Variants in AVEN observed in about 807,000 individuals in gnomAD.
The protein encoded by AVEN is cell death regulator Aven.
AVEN carries 41 observed loss-of-function variants against 38.1 expected under a neutral mutation model. The ratio of observed to expected loss-of-function variants is 1.08; its 90% CI spans 0.84 to 1.40. AVEN has a LOEUF of 1.40. Among genes scored for constraint, AVEN ranks in the 40% most tolerant of loss-of-function variants. AVEN has a pLI of 0.00. For synonymous variants in AVEN, 206 were observed against 171.8 expected, an observed-to-expected ratio of 1.20 and a Z score of -1.56; for missense variants, 605 against 438.8, an observed-to-expected ratio of 1.38 and a Z score of -3.38.
intron 2 of AVEN, among the ~76,000 whole-genome samples, chr15:33,992,250 C>A (rs781005319): frequency 6.6e-6 from 1 of 152,130 alleles, no homozygotes; most frequent in African/African-American, 2.4e-5. Context: ...GTTAGCTGGG[C>A]GTGGTGGCGG....
chr15:34,039,121 G>A lies in AVEN; in HGVS notation c.-75C>T. 1 of 1,047,160 alleles carries A rather than the reference G, an allele frequency of 9.5e-7. No homozygotes were observed. The highest frequency in any genetic ancestry group is 1.7e-5 in the African/African-American group (1 of 58,420). 64.9% of individuals were successfully genotyped at this position (1,047,160 alleles called of 1,614,324 possible). A position where few individuals can be genotyped will look rare whatever the true frequency, so the allele number is the denominator to read the frequency against. ...GACGCCCTGGCCCCACCGGAAGCGG[G>A]CCGCACGGAGGAGCCGCGAGCGAAA... On this transcript the variant is annotated 5_prime_UTR_variant, in exon 1 of 6. Transcript: ENST00000306730.
chr15:33,926,119 A>C (rs369469625), intron 2 of AVEN, among the ~76,000 whole-genome samples: 1 of 151,810 alleles, frequency 6.6e-6, no homozygotes, highest in Non-Finnish European at 1.5e-5. Flanking sequence ...ATATGGACTA[A>C]AAAATCAAAA....
At chr15:33,853,831 C>A, downstream of AVEN, 1 of 976,610 alleles carries the variant, frequency 1.0e-6, no homozygotes, top group Non-Finnish European at 1.5e-6. Flanking sequence ...TGGGAGAGCA[C>A]TGCCTTAAAA....
chr15:33,882,329 G>A (rs1891520305), intron 2 of AVEN, among the ~76,000 whole-genome samples: 1 of 152,170 alleles, frequency 6.6e-6, no homozygotes, highest in Non-Finnish European at 1.5e-5. Flanking sequence ...TAGCAAAACT[G>A]ATGTACATGA....
intron 2 of AVEN, among the ~76,000 whole-genome samples, chr15:34,000,994 G>C (rs902031509): frequency 4.0e-5 from 6 of 151,048 alleles, no homozygotes; most frequent in Admixed American, 3.9e-4. Context: ...TAAACCAGAG[G>C]ACAGGCCTGC....
chr15:33,966,172 T>C (rs1305774152), intron 2 of AVEN, among the ~76,000 whole-genome samples: 1 of 152,146 alleles, frequency 6.6e-6, no homozygotes, highest in African/African-American at 2.4e-5. Flanking sequence ...CCTACAAAGT[T>C]CTCCAGCAGA....
chr15:33,881,736 C>T (rs1393201952), intron 2 of AVEN, among the ~76,000 whole-genome samples: 1 of 152,212 alleles, frequency 6.6e-6, no homozygotes, highest in Admixed American at 6.5e-5. Flanking sequence ...GACATATGGA[C>T]ATGCATGGAC....
At chr15:33,980,373 C>G (rs932592932) in intron 2 of AVEN, among the ~76,000 whole-genome samples, 1 of 152,172 alleles carries the variant, frequency 6.6e-6, no homozygotes, top group Non-Finnish European at 1.5e-5. Context: ...CCTGCTCTAA[C>G]GTGATTCCAC....
At chr15:34,064,194 A>G in intron 4 of AVEN, 1 of 1,614,170 alleles carries the variant, frequency 6.2e-7, no homozygotes, top group Non-Finnish European at 8.5e-7. Flanking sequence ...TGTCAACCCC[A>G]TCTGCTATGC....
intron 2 of AVEN, among the ~76,000 whole-genome samples, chr15:33,994,788 T>C (rs1597326382): frequency 6.6e-6 from 1 of 152,202 alleles, no homozygotes; most frequent in East Asian, 1.9e-4. Context: ...CTCTTGAAGT[T>C]CTATATTCTC....
At chr15:33,908,610 C>T (rs1041108327) in intron 2 of AVEN, among the ~76,000 whole-genome samples, 7 of 151,978 alleles carry the variant, frequency 4.6e-5, no homozygotes, top group Admixed American at 1.3e-4. Flanking sequence ...CAGTATTTTT[C>T]TTTTTTTTCT....
the AVEN span, chr15:33,853,713 G>C: frequency 1.9e-6 from 3 of 1,605,984 alleles, no homozygotes; most frequent in East Asian, 2.2e-5. Flanking sequence ...CAAATCCAAA[G>C]CAGCTAAAAT....
chr15:33,953,241 C>T (rs988572237), intron 2 of AVEN, among the ~76,000 whole-genome samples: 1 of 152,012 alleles, frequency 6.6e-6, no homozygotes, highest in African/African-American at 2.4e-5. Context: ...AATGCCATCC[C>T]CATCAAGCTA....
intron 2 of AVEN, among the ~76,000 whole-genome samples, chr15:34,069,978 T>TA (rs541042462): frequency 3.7e-4 from 56 of 152,290 alleles, no homozygotes; most frequent in Non-Finnish European, 7.1e-4. Context: ...AGTCTGTTCT[T>TA]ACACTGCTAT....
intron 1 of AVEN, among the ~76,000 whole-genome samples, chr15:34,073,983 CT>C (rs1567498505): frequency 4.8e-5 from 1 of 20,816 alleles, no homozygotes; most frequent in African/African-American, 1.2e-4. Context: ...CTTTTTTCTT[CT>C]TCTTCTTTTT....
chr15:33,930,684 G>A (rs557996932), intron 2 of AVEN, among the ~76,000 whole-genome samples: 20 of 152,260 alleles, frequency 1.3e-4, no homozygotes, highest in Non-Finnish European at 2.1e-4. Context: ...GGCCGGGCGC[G>A]GTGGCTCACG....
At chr15:33,994,677 T>G (rs1208031795) in intron 2 of AVEN, among the ~76,000 whole-genome samples, 1 of 152,150 alleles carries the variant, frequency 6.6e-6, no homozygotes, top group African/African-American at 2.4e-5. Context: ...ATACATACAG[T>G]GTGTGTGAAA....
intron 2 of AVEN, among the ~76,000 whole-genome samples, chr15:33,928,565 T>C (rs1033509494): frequency 6.6e-6 from 1 of 152,068 alleles, no homozygotes; most frequent in Non-Finnish European, 1.5e-5. Flanking sequence ...AGTAGAGTGC[T>C]CTCCAAGACG....
intron 1 of AVEN, among the ~76,000 whole-genome samples, chr15:34,028,265 C>T (rs1398244260): frequency 9.9e-5 from 15 of 152,196 alleles, no homozygotes; most frequent in Admixed American, 9.2e-4. Flanking sequence ...ATCTGACCTA[C>T]ACACTGTAAC....
Sources: allele counts gnomAD v4.1 joint callset (sites outside exome capture counted in the v4.1 genomes callset), GRCh38; gene constraint gnomAD v4.1.1; transcripts MANE v1.5; gene names NCBI Gene and HGNC (gene_info 2026-07-23, HGNC 2026-07-21).